Variants in GRB10 observed in about 807,000 individuals in gnomAD.
The protein encoded by GRB10 is growth factor receptor-bound protein 10.
In GRB10, 20 loss-of-function variants were observed where a neutral mutation model predicts 80.9. The observed-to-expected ratio is 0.25, with a 90% confidence interval of 0.17 to 0.36. The LOEUF (loss-of-function observed/expected upper bound fraction) is 0.36, where lower values mean the gene tolerates loss of function less well. Ranked by LOEUF, GRB10 falls within the 10% of genes least tolerant of loss-of-function variation. The pLI is 1.00. For synonymous variants in GRB10, 291 were observed against 291.5 expected (o/e 1.00, Z 0.02); for missense variants, 548 against 747.7 (o/e 0.73, Z 3.12).
At chr7:50,614,374 G>A (rs1054370107) in intron 12 of GRB10, among the ~76,000 whole-genome samples, 6 of 152,174 alleles carry the variant, frequency 3.9e-5, no homozygotes, top group East Asian at 3.9e-4. Context: ...CACAGCCAGA[G>A]GCCCACACAG....
chr7:50,758,411 A>G (rs903979436), intron 2 of GRB10, among the ~76,000 whole-genome samples: 6 of 152,220 alleles, frequency 3.9e-5, no homozygotes, highest in Admixed American at 3.3e-4. Context: ...CCTGGGGAAA[A>G]ATAAATAATG....
chr7:50,719,009 A>C (rs1228464975), intron 4 of GRB10, among the ~76,000 whole-genome samples: 2 of 152,208 alleles, frequency 1.3e-5, no homozygotes, highest in African/African-American at 4.8e-5. Context: ...ATATTTACCA[A>C]GCAATTACTC....
intron 2 of GRB10, among the ~76,000 whole-genome samples, chr7:50,756,678 C>G (rs1222466114): frequency 6.6e-6 from 1 of 152,172 alleles, no homozygotes; most frequent in Non-Finnish European, 1.5e-5. Context: ...CAGGTGGGTT[C>G]TAGGCATGGA....
chr7:50,599,153 C>T (rs920131286), intron 17 of GRB10, among the ~76,000 whole-genome samples: 8 of 152,022 alleles, frequency 5.3e-5, no homozygotes, highest in Non-Finnish European at 7.4e-5. Flanking sequence ...AGTATGTGCG[C>T]GCACACGCTC....
intron 5 of GRB10, among the ~76,000 whole-genome samples, chr7:50,680,854 G>A (rs1056230067): frequency 6.6e-6 from 1 of 152,024 alleles, no homozygotes; most frequent in Non-Finnish European, 1.5e-5. Flanking sequence ...AAGGCTGCAT[G>A]CATATTTAAT....
intron 8 of GRB10, among the ~76,000 whole-genome samples, chr7:50,622,039 C>T (rs572848781): frequency 1.1e-4 from 17 of 152,318 alleles, no homozygotes; most frequent in Admixed American, 2.6e-4. Flanking sequence ...GGCCTCACAT[C>T]GAGCTGCAGC....
chr7:50,591,143 A>G lies in GRB10; in HGVS notation c.*1809T>C, dbSNP rs1283492155. 1 of 152,268 alleles carries G rather than the reference A, an allele frequency of 6.6e-6. No individual in the cohort carries two copies. The highest frequency in any genetic ancestry group is 1.5e-5 in the Non-Finnish European group (1 of 68,044). 9.4% of individuals were successfully genotyped at this position (152,268 alleles called of 1,614,324 possible). The stretch of plus-strand genomic sequence containing the variant: ...TATCTTACTGTCAATAGTTTGAAAG[A>G]CTGACTGGCTGCGAAAGGAAGAAAA... On this transcript the variant is annotated 3_prime_UTR_variant, in exon 19 of 19. Transcript: ENST00000401949.
At chr7:50,722,990 C>A (rs2068005351) in intron 4 of GRB10, among the ~76,000 whole-genome samples, 1 of 152,142 alleles carries the variant, frequency 6.6e-6, no homozygotes, top group Non-Finnish European at 1.5e-5. Flanking sequence ...AAGTACCCTG[C>A]AAATGCCAAG....
chr7:50,709,117 T>C (rs947587644), intron 4 of GRB10, among the ~76,000 whole-genome samples: 1 of 152,196 alleles, frequency 6.6e-6, no homozygotes, highest in Non-Finnish European at 1.5e-5. Context: ...CAAATCCACA[T>C]GCTTTAGAAA....
intron 7 of GRB10, among the ~76,000 whole-genome samples, chr7:50,628,564 TGGGGGTGGTG>T (rs1158965205): frequency 2.6e-5 from 1 of 38,846 alleles, no homozygotes; most frequent in African/African-American, 9.0e-5. Context: ...AGTGCCCAGG[TGGGGGTGGTG>T]GGGGTGGTAG....
At chr7:50,689,848 C>G (rs775895472) in intron 5 of GRB10, among the ~76,000 whole-genome samples, 3 of 151,004 alleles carry the variant, frequency 2.0e-5, no homozygotes, top group Non-Finnish European at 3.0e-5. Flanking sequence ...TGTAATCTAA[C>G]TGAAATTCTC....
chr7:50,711,881 C>T (rs1477177146), intron 4 of GRB10, among the ~76,000 whole-genome samples: 3 of 152,170 alleles, frequency 2.0e-5, no homozygotes, highest in Admixed American at 6.5e-5. Context: ...TAAATCCTGT[C>T]TCTAATGGGT....
intron 4 of GRB10, among the ~76,000 whole-genome samples, chr7:50,705,890 C>T (rs562261381): frequency 1.5e-3 from 235 of 152,360 alleles, no homozygotes; most frequent in African/African-American, 5.5e-3. Context: ...ACCTCCGCAA[C>T]AGGCGCTGAG....
At chr7:50,670,841 T>C (rs1175449114) in intron 6 of GRB10, among the ~76,000 whole-genome samples, 1 of 152,224 alleles carries the variant, frequency 6.6e-6, no homozygotes, top group East Asian at 1.9e-4. Context: ...TAGCTTCATG[T>C]ATCTGTCCTC....
At chr7:50,675,454 A>G (rs2060828465) in intron 5 of GRB10, among the ~76,000 whole-genome samples, 1 of 152,230 alleles carries the variant, frequency 6.6e-6, no homozygotes, top group African/African-American at 2.4e-5. Context: ...TAAACACTAG[A>G]CTAGATGCTG....
At chr7:50,760,265 C>T (rs2075612805) in intron 2 of GRB10, among the ~76,000 whole-genome samples, 1 of 152,314 alleles carries the variant, frequency 6.6e-6, no homozygotes, top group Middle Eastern at 3.4e-3. Context: ...CAGAAAAGAC[C>T]ACACTCACAA....
intron 5 of GRB10, among the ~76,000 whole-genome samples, chr7:50,675,600 A>G (rs1360263624): frequency 2.0e-5 from 3 of 152,182 alleles, no homozygotes; most frequent in Admixed American, 2.0e-4. Context: ...CTCCAAGGGG[A>G]AAGATGGAAT....
chr7:50,630,605 C>T (rs2053813548), intron 7 of GRB10, among the ~76,000 whole-genome samples: 1 of 152,206 alleles, frequency 6.6e-6, no homozygotes, highest in African/African-American at 2.4e-5. Flanking sequence ...AAGCAAACCT[C>T]ATGACCAGTT....
At chr7:50,754,558 T>C (rs1308297772) in intron 3 of GRB10, among the ~76,000 whole-genome samples, 1 of 152,178 alleles carries the variant, frequency 6.6e-6, no homozygotes, top group Non-Finnish European at 1.5e-5. Context: ...GCAACGGCAG[T>C]GTGAGCTGTC....
Sources: gnomAD v4.1 joint callset for allele counts (sites outside exome capture counted in the v4.1 genomes callset) on GRCh38, gnomAD v4.1.1 for gene constraint, MANE v1.5 for transcripts, NCBI Gene and HGNC (gene_info 2026-07-23, HGNC 2026-07-21) for gene names.